Variants in CADM2 observed in about 807,000 individuals in gnomAD.
CADM2 encodes immunoglobulin superfamily member 4D.
Under a neutral mutation model 49.8 loss-of-function variants are expected in CADM2, and 12 were observed. The observed-to-expected ratio is 0.24, with a 90% confidence interval of 0.15 to 0.39. The LOEUF (loss-of-function observed/expected upper bound fraction) is 0.39, where lower values mean the gene tolerates loss of function less well. CADM2 is among the 10% of genes least tolerant of loss of function. CADM2 has a pLI of 1.00. For missense variants in CADM2, 378 were observed against 492.3 expected (o/e 0.77, Z 2.20); for synonymous variants, 214 against 175.4 (o/e 1.22, Z -1.74).
chr3:85,897,459 C>T (rs1390630320), intron 5 of CADM2, among the ~76,000 whole-genome samples: 4 of 149,162 alleles, frequency 2.7e-5, no homozygotes, highest in South Asian at 2.1e-4. Flanking sequence ...TTAGTAGAGA[C>T]GGGGTTTCAC....
chr3:84,988,480 T>C (rs1044358145), intron 1 of CADM2, among the ~76,000 whole-genome samples: 5 of 152,206 alleles, frequency 3.3e-5, no homozygotes, highest in Admixed American at 1.3e-4. Flanking sequence ...ACCTAGCAGA[T>C]AGCAAAAAAT....
chr3:85,432,825 A>T (rs909960692), intron 1 of CADM2, among the ~76,000 whole-genome samples: 1 of 152,116 alleles, frequency 6.6e-6, no homozygotes, highest in African/African-American at 2.4e-5. Context: ...ATATAAACTA[A>T]GTTTTGAAAC....
chr3:85,917,300 G>A (rs1718478445), intron 6 of CADM2, among the ~76,000 whole-genome samples: 1 of 152,096 alleles, frequency 6.6e-6, no homozygotes, highest in South Asian at 2.1e-4. Flanking sequence ...TATGATTTTA[G>A]GTCTAACATT....
chr3:85,165,363 T>C (rs778628602), intron 1 of CADM2, among the ~76,000 whole-genome samples: 1 of 151,882 alleles, frequency 6.6e-6, no homozygotes, highest in Non-Finnish European at 1.5e-5. Flanking sequence ...ATACTTAAAT[T>C]AATGGTCTAA....
intron 2 of CADM2, among the ~76,000 whole-genome samples, chr3:85,775,456 A>C (rs894955283): frequency 1.3e-5 from 2 of 151,804 alleles, no homozygotes; most frequent in African/African-American, 4.8e-5. Context: ...ATAGTTCAAC[A>C]AATTTGCATA....
At chr3:86,017,895 AC>A (rs1443420682) in intron 8 of CADM2, among the ~76,000 whole-genome samples, 7 of 145,508 alleles carry the variant, frequency 4.8e-5, no homozygotes, top group Non-Finnish European at 1.1e-4. Flanking sequence ...TTTTTATTAT[AC>A]TTTAAGTTTT....
chr3:85,481,229 G>GATATATATATATATATATATAT (rs3086137), intron 1 of CADM2, among the ~76,000 whole-genome samples: 8 of 144,948 alleles, frequency 5.5e-5, no homozygotes, highest in African/African-American at 1.8e-4. Context: ...ATATATATTG[G>GATATATATATATATATATATAT]ATATATATAT....
At chr3:85,754,654 G>T (rs2069017659) in intron 2 of CADM2, among the ~76,000 whole-genome samples, 1 of 152,034 alleles carries the variant, frequency 6.6e-6, no homozygotes, top group East Asian at 1.9e-4. Flanking sequence ...ACAAAATAGT[G>T]CTAATCAAAT....
chr3:85,405,973 C>T (rs751890413), intron 1 of CADM2, among the ~76,000 whole-genome samples: 6 of 151,364 alleles, frequency 4.0e-5, no homozygotes, highest in African/African-American at 9.7e-5. Context: ...TAGATATATG[C>T]GTGCATATAT....
chr3:85,885,750 T>A (rs1223429405), intron 4 of CADM2, among the ~76,000 whole-genome samples: 1 of 142,950 alleles, frequency 7.0e-6, no homozygotes, highest in Non-Finnish European at 1.5e-5. Context: ...TACTTGGGAG[T>A]CTGAAGCAGG....
At chr3:86,018,617 T>TC (rs1163358858) in intron 8 of CADM2, among the ~76,000 whole-genome samples, 1 of 152,212 alleles carries the variant, frequency 6.6e-6, no homozygotes, top group South Asian at 2.1e-4. Context: ...TTTGCATTTC[T>TC]TGATGGCCAG....
intron 1 of CADM2, among the ~76,000 whole-genome samples, chr3:85,570,848 A>G (rs1014633033): frequency 6.6e-6 from 1 of 152,230 alleles, no homozygotes; most frequent in Non-Finnish European, 1.5e-5. Context: ...GTGAAAATAT[A>G]CAAAGATTGT....
intron 6 of CADM2, among the ~76,000 whole-genome samples, chr3:85,934,384 A>T (rs1347486339): frequency 6.6e-6 from 1 of 152,062 alleles, no homozygotes; most frequent in Non-Finnish European, 1.5e-5. Context: ...ATAATGGAAA[A>T]AATTAATAAA....
At chr3:85,844,860 T>A (rs76787953) in intron 3 of CADM2, among the ~76,000 whole-genome samples, 1 of 151,926 alleles carries the variant, frequency 6.6e-6, no homozygotes, top group Non-Finnish European at 1.5e-5. Context: ...TGTAAAAAAA[T>A]GAGCTTTAGT....
chr3:85,926,116 A>G (rs1160513864), intron 6 of CADM2, among the ~76,000 whole-genome samples: 1 of 151,394 alleles, frequency 6.6e-6, no homozygotes, highest in Non-Finnish European at 1.5e-5. Context: ...CAGCCGGACG[A>G]CAGAGTGAGG....
At chr3:85,657,777 C>CACAGATATATATATATATATATAT (rs1559574754) in intron 1 of CADM2, among the ~76,000 whole-genome samples, 3 of 111,214 alleles carry the variant, frequency 2.7e-5, no homozygotes, top group African/African-American at 8.9e-5. Context: ...TATATATATA[C>CACAGATATATATATATATATATAT]ATATACATGT....
In CADM2 at chr3:86,071,749, A is replaced by T. The variant is rs969173790; in HGVS notation, c.*4966A>T. The T allele has an allele frequency of 6.6e-6, 1 of 151,864 alleles. No individual in the cohort carries two copies. Among genetic ancestry groups the T allele is most frequent in the African/African-American group, 2.4e-5 (1 of 41,390 alleles). The allele number at this position is 151,864 out of a possible 1,614,324, so 9.4% of individuals were successfully genotyped here. A position where few individuals can be genotyped will look rare whatever the true frequency, so the allele number is the denominator to read the frequency against. On this transcript the variant is annotated 3_prime_UTR_variant, in exon 10 of 10. Transcript: ENST00000383699. ...AATCTGCATTTGTTTTTCCTTTTCTATCATTAGCTTTTCCTAAAGGCAAAA... is the reference window on the plus strand; with the variant it reads ...AATCTGCATTTGTTTTTCCTTTTCTTTCATTAGCTTTTCCTAAAGGCAAAA...
At chr3:85,379,269 A>G (rs2033764570) in intron 1 of CADM2, among the ~76,000 whole-genome samples, 1 of 152,024 alleles carries the variant, frequency 6.6e-6, no homozygotes, top group African/African-American at 2.4e-5. Context: ...GTCATCTTCA[A>G]TAGTTTTGGA....
At chr3:85,683,014 T>C (rs186440079) in intron 1 of CADM2, among the ~76,000 whole-genome samples, 1 of 152,242 alleles carries the variant, frequency 6.6e-6, no homozygotes, top group East Asian at 1.9e-4. Context: ...CCCTTTATGA[T>C]TAAATAAAGA....
Sources: gnomAD v4.1 joint callset for allele counts (sites outside exome capture counted in the v4.1 genomes callset) on GRCh38, gnomAD v4.1.1 for gene constraint, MANE v1.5 for transcripts, NCBI Gene and HGNC (gene_info 2026-07-23, HGNC 2026-07-21) for gene names.